NXPE2: variants seen among roughly 807,000 people sequenced by gnomAD.
The protein encoded by NXPE2 is NXPE family member 2.
NXPE2 carries 34 observed loss-of-function variants against 34.4 expected under a neutral mutation model. That is an observed-to-expected ratio of 0.99 (90% CI 0.75 to 1.31). The LOEUF is 1.31. Ranked by LOEUF, NXPE2 falls within the 40% of genes most tolerant of loss-of-function variation. The pLI is 0.00. For missense variants in NXPE2, 649 were observed against 672.5 expected (o/e 0.97, Z 0.39); for synonymous variants, 235 against 231.3 (o/e 1.02, Z -0.15).
the NXPE2 span, among the ~76,000 whole-genome samples, chr11:114,747,085 A>G: frequency 6.6e-6 from 1 of 152,240 alleles, no homozygotes; most frequent in Admixed American, 6.5e-5. Context: ...CTAATCAGAT[A>G]CTCATGTCTT....
the NXPE2 span, among the ~76,000 whole-genome samples, chr11:114,648,465 CT>C: frequency 1.1e-4 from 17 of 152,258 alleles, no homozygotes; most frequent in African/African-American, 4.1e-4. Flanking sequence ...TTGGATGAGG[CT>C]CACCTACATT....
At chr11:114,762,402 T>A in the NXPE2 span, among the ~76,000 whole-genome samples, 1 of 152,218 alleles carries the variant, frequency 6.6e-6, no homozygotes, top group Non-Finnish European at 1.5e-5. Flanking sequence ...GCAATGAGGC[T>A]TATTTAACAT....
the NXPE2 span, among the ~76,000 whole-genome samples, chr11:114,778,518 T>C: frequency 6.6e-6 from 1 of 152,026 alleles, no homozygotes; most frequent in African/African-American, 2.4e-5. Flanking sequence ...TGTAAATCCT[T>C]TGGGGGAGAT....
chr11:114,686,834 C>G (rs982104302), intron 2 of NXPE2, among the ~76,000 whole-genome samples: 1 of 152,144 alleles, frequency 6.6e-6, no homozygotes, highest in African/African-American at 2.4e-5. Context: ...GATGGTACCT[C>G]ACTGGAGTTT....
At chr11:114,515,574 A>T in the NXPE2 span, among the ~76,000 whole-genome samples, 1 of 152,192 alleles carries the variant, frequency 6.6e-6, no homozygotes, top group Non-Finnish European at 1.5e-5. Flanking sequence ...GGAAATTGGA[A>T]CCAGAAGGGA....
At chr11:114,721,099 C>T in the NXPE2 span, among the ~76,000 whole-genome samples, 219 of 152,210 alleles carry the variant, frequency 1.4e-3, no homozygotes, top group African/African-American at 5.0e-3. Context: ...CAGGAGTTCT[C>T]TCACCTTCAG....
At chr11:114,535,638 C>G in the NXPE2 span, among the ~76,000 whole-genome samples, 2 of 152,092 alleles carry the variant, frequency 1.3e-5, no homozygotes, top group Non-Finnish European at 2.9e-5. Context: ...CAATCCTAGT[C>G]TCGGATAAAA....
At chr11:114,725,976 A>ATATATATATAT in the NXPE2 span, among the ~76,000 whole-genome samples, 234 of 101,738 alleles carry the variant, frequency 2.3e-3, no homozygotes, top group African/African-American at 6.7e-3. Context: ...ATAAAAAAAA[A>ATATATATATAT]ATATATATAT....
the NXPE2 span, among the ~76,000 whole-genome samples, chr11:114,589,117 A>T: frequency 6.6e-6 from 1 of 152,110 alleles, no homozygotes. Flanking sequence ...AGAGGACTTT[A>T]AAAAGGATAT....
chr11:114,630,721 T>A, the NXPE2 span, among the ~76,000 whole-genome samples: 3 of 151,102 alleles, frequency 2.0e-5, no homozygotes, highest in Non-Finnish European at 4.4e-5. Flanking sequence ...GAAACTACCA[T>A]CAGAGTGAAC....
At chr11:114,511,261 C>T in the NXPE2 span, among the ~76,000 whole-genome samples, 1 of 152,192 alleles carries the variant, frequency 6.6e-6, no homozygotes, top group Non-Finnish European at 1.5e-5. Context: ...TGGGGCTTCC[C>T]GGAAGCCTTG....
chr11:114,482,514 T>G, the NXPE2 span, among the ~76,000 whole-genome samples: 1 of 152,222 alleles, frequency 6.6e-6, no homozygotes, highest in Admixed American at 6.5e-5. Context: ...TATTTTTCAT[T>G]AGTTTTAACT....
chr11:114,710,386 TA>T (rs1391762800), downstream of NXPE2, among the ~76,000 whole-genome samples: 1 of 152,064 alleles, frequency 6.6e-6, no homozygotes, highest in East Asian at 1.9e-4. Context: ...CTCAAATAGC[TA>T]AAATTATAAA....
chr11:114,478,415 G>C, the NXPE2 span, among the ~76,000 whole-genome samples: 1 of 152,144 alleles, frequency 6.6e-6, no homozygotes, highest in African/African-American at 2.4e-5. Flanking sequence ...ACATCTCAAA[G>C]AATTTACAAT....
At chr11:114,601,621 T>C in the NXPE2 span, among the ~76,000 whole-genome samples, 1 of 2,028 alleles carries the variant, frequency 4.9e-4, no homozygotes, top group Admixed American at 8.6e-3. Context: ...AATTATATAT[T>C]ATATATTATT....
intron 3 of NXPE2, among the ~76,000 whole-genome samples, chr11:114,702,034 G>A (rs979036403): frequency 1.3e-5 from 2 of 152,026 alleles, no homozygotes; most frequent in Admixed American, 1.3e-4. Flanking sequence ...CCTCAACCTT[G>A]GCTGAAGAAT....
chr11:114,717,181 C>T, the NXPE2 span, among the ~76,000 whole-genome samples: 3 of 152,148 alleles, frequency 2.0e-5, no homozygotes, highest in East Asian at 1.9e-4. Context: ...TTGGCTCCAC[C>T]ATGAAGACCA....
chr11:114,472,754 G>A, the NXPE2 span, among the ~76,000 whole-genome samples: 4 of 152,178 alleles, frequency 2.6e-5, no homozygotes, highest in Non-Finnish European at 5.9e-5. Context: ...TCCCCATCAT[G>A]AATGTTCTAC....
At chr11:114,678,921 G>T (rs932084296) in intron 1 of NXPE2, among the ~76,000 whole-genome samples, 30 of 151,082 alleles carry the variant, frequency 2.0e-4, no homozygotes, top group African/African-American at 6.1e-4. Flanking sequence ...TTTTTTTTCT[G>T]GGGTGGGGGG....
Sources: gnomAD v4.1 joint callset for allele counts (sites outside exome capture counted in the v4.1 genomes callset) on GRCh38, gnomAD v4.1.1 for gene constraint, MANE v1.5 for transcripts, NCBI Gene and HGNC (gene_info 2026-07-23, HGNC 2026-07-21) for gene names.